CDKL5: variants seen among roughly 807,000 people sequenced by gnomAD.
The protein encoded by CDKL5 is cyclin-dependent kinase-like 5.
CDKL5 carries 8 observed loss-of-function variants against 61.7 expected under a neutral mutation model. That is an observed-to-expected ratio of 0.13 (90% CI 0.08 to 0.23). The LOEUF (loss-of-function observed/expected upper bound fraction) is 0.23. CDKL5 is among the 10% of genes least tolerant of loss of function. The probability of loss-of-function intolerance (pLI) is 1.00; values close to 1 mark genes in which losing one functional copy is unlikely to be tolerated. For missense variants in CDKL5, 440 were observed against 734.5 expected (o/e 0.60, Z 4.63); for synonymous variants, 275 against 272.3 (o/e 1.01, Z -0.10).
chrX:18,625,280 CAACTCTCCAGTAACT>C, intron 17 of CDKL5, 33 bp downstream of exon 17: 1 of 1,202,645 alleles, frequency 8.3e-7, no homozygotes. Flanking sequence ...CTAGACTCTC[CAACTCTCCAGTAACT>C]GTCCTGAGGA....
intron 1 of CDKL5, among the ~76,000 whole-genome samples, chrX:18,472,204 C>T (rs1921120652): frequency 8.9e-6 from 1 of 111,986 alleles, no homozygotes; most frequent in Non-Finnish European, 1.9e-5. Context: ...TACTTTGAGC[C>T]TCAAGATTTT....
Position 18,628,923 on chromosome X carries a change from G to T in CDKL5, c.*166G>T. ...TGTTGGGGCCGTTGAGCTCCTCGCG[G>T]CCACAAATGCTAGTCAGGGATCTTA... is the stretch of plus-strand genomic sequence containing the variant. On this transcript the variant is annotated 3_prime_UTR_variant, in exon 18 of 18. Transcript: ENST00000623535. 1 of 1,054,502 alleles carries T rather than the reference G, an allele frequency of 9.5e-7. No individual in the cohort carries two copies. The highest frequency in any genetic ancestry group is 1.2e-6 in the Non-Finnish European group (1 of 825,028). 86.9% of individuals were successfully genotyped at this position (1,054,502 alleles called of 1,213,427 possible). A position where few individuals can be genotyped will look rare whatever the true frequency, so the allele number is the denominator to read the frequency against.
At chrX:18,607,599 G>T (rs1030996783) in intron 12 of CDKL5, among the ~76,000 whole-genome samples, 14 of 111,861 alleles carry the variant, frequency 1.3e-4, no homozygotes, top group African/African-American at 4.6e-4. Context: ...AGTTCAGGAG[G>T]TACAGTGCCC....
chrX:18,550,930 A>T (rs1347681539), intron 3 of CDKL5, among the ~76,000 whole-genome samples: 1 of 104,962 alleles, frequency 9.5e-6, no homozygotes, highest in Non-Finnish European at 2.0e-5. Context: ...TGGTGTAGAC[A>T]AGGTGGTTTG....
At chrX:18,438,943 G>T (rs755778957) in intron 1 of CDKL5, among the ~76,000 whole-genome samples, 1 of 109,710 alleles carries the variant, frequency 9.1e-6, no homozygotes, top group South Asian at 4.0e-4. Flanking sequence ...AAGCTCCGTG[G>T]AGGCAAGGAG....
At chrX:18,616,210 G>T (rs926670032) in intron 15 of CDKL5, among the ~76,000 whole-genome samples, 1 of 112,252 alleles carries the variant, frequency 8.9e-6, no homozygotes, top group African/African-American at 3.2e-5. Flanking sequence ...TATGGAGTGT[G>T]TGTTTATAAA....
chrX:18,544,887 AT>A (rs1298902301), intron 3 of CDKL5, among the ~76,000 whole-genome samples: 1 of 111,840 alleles, frequency 8.9e-6, no homozygotes, highest in Non-Finnish European at 1.9e-5. Context: ...TAATAATCAG[AT>A]TTTTTTGTTC....
At chrX:18,495,155 G>A (rs1427056261) in intron 1 of CDKL5, among the ~76,000 whole-genome samples, 1 of 112,018 alleles carries the variant, frequency 8.9e-6, no homozygotes, top group Admixed American at 9.5e-5. Context: ...AATTTTCAGT[G>A]ACAAAATGGT....
rs193049248 is a variant in CDKL5 at position 18,528,801 on chromosome X, C to T, written c.99+17947C>T. On this transcript the variant is annotated intron_variant, in intron 3 of 17. Coordinates refer to ENST00000623535, the MANE Select transcript of CDKL5 (RefSeq NM_001323289.2). Reference sequence around the variant, plus strand: ...GGTGTGCACTGCCATGCCTGGCTAACTTTTTGTATTTTTTGTAGAGACAGG... The same window carrying T: ...GGTGTGCACTGCCATGCCTGGCTAATTTTTTGTATTTTTTGTAGAGACAGG... 4.3e-3 allele frequency among the ~76,000 whole-genome samples: 478 copies of T among 110,803 alleles called. 2 individuals are homozygous for T. The Middle Eastern group carries it at 0.047, about 11-fold the overall frequency.
At chrX:18,490,104 G>T (rs777782381) in intron 1 of CDKL5, among the ~76,000 whole-genome samples, 1 of 111,721 alleles carries the variant, frequency 9.0e-6, no homozygotes, top group South Asian at 3.8e-4. Context: ...CGGAAGGCCT[G>T]TGCTGGCTCC....
intron 1 of CDKL5, chrX:18,426,407 C>G (rs2147610950): frequency 8.9e-6 from 1 of 112,756 alleles, no homozygotes; most frequent in Non-Finnish European, 1.9e-5. Context: ...AACAGGTCCT[C>G]CTTGCATTGA....
At chrX:18,486,949 T>A (rs1288988949) in intron 1 of CDKL5, among the ~76,000 whole-genome samples, 4 of 110,257 alleles carry the variant, frequency 3.6e-5, no homozygotes, top group African/African-American at 1.3e-4. Flanking sequence ...TTTCTCCTCA[T>A]TCCTAAAAAA....
chrX:18,545,191 G>A (rs1367975703), intron 3 of CDKL5, among the ~76,000 whole-genome samples: 4 of 110,279 alleles, frequency 3.6e-5, no homozygotes, highest in African/African-American at 1.3e-4. Context: ...AGCCATGATC[G>A]AGCCACTGCA....
At chrX:18,446,060 C>A (rs933481922) in intron 1 of CDKL5, among the ~76,000 whole-genome samples, 1 of 109,460 alleles carries the variant, frequency 9.1e-6, no homozygotes, top group Admixed American at 9.9e-5. Context: ...AGTAGTTCTA[C>A]CAGTTAAGAA....
At chrX:18,489,030 G>A (rs1210783226) in intron 1 of CDKL5, among the ~76,000 whole-genome samples, 1 of 111,368 alleles carries the variant, frequency 9.0e-6, no homozygotes, top group Non-Finnish European at 1.9e-5. Flanking sequence ...TGTCTCTCAT[G>A]GGGAAAAAAA....
intron 20 of CDKL5, among the ~76,000 whole-genome samples, chrX:18,648,272 C>G (rs1416714887): frequency 9.1e-6 from 1 of 109,720 alleles, no homozygotes; most frequent in Non-Finnish European, 1.9e-5. Context: ...GAGACAGGGT[C>G]TCGCCCTGTC....
At chrX:18,627,346 T>C (rs1927092801) in intron 17 of CDKL5, 1 of 112,101 alleles carries the variant, frequency 8.9e-6, no homozygotes, top group Non-Finnish European at 1.9e-5. Context: ...ATGTCCCTTA[T>C]ACCATGACAT....
At chrX:18,641,781 C>A (rs919610943), downstream of CDKL5, 3 of 414,824 alleles carry the variant, frequency 7.2e-6, no homozygotes, top group Admixed American at 1.3e-4. Flanking sequence ...GGGACATTTT[C>A]TTTGTTCTGA....
intron 3 of CDKL5, among the ~76,000 whole-genome samples, chrX:18,513,859 C>T (rs1922911661): frequency 9.0e-6 from 1 of 111,526 alleles, no homozygotes; most frequent in African/African-American, 3.3e-5. Flanking sequence ...TTATGAAACT[C>T]ATATTATAAT....
Sources: allele counts gnomAD v4.1 joint callset (sites outside exome capture counted in the v4.1 genomes callset), GRCh38; gene constraint gnomAD v4.1.1; transcripts MANE v1.5; gene names NCBI Gene and HGNC (gene_info 2026-07-23, HGNC 2026-07-21).